The following GUCY1A2 variants were observed in gnomAD, a reference collection of about 807,000 sequenced individuals.
GUCY1A2 encodes the protein guanylate cyclase 1 soluble subunit alpha 2, also known as guanylate cyclase soluble subunit alpha-2.
In GUCY1A2, 27 loss-of-function variants were observed where a neutral mutation model predicts 63.5. That is an observed-to-expected ratio of 0.43 (90% confidence interval 0.31 to 0.59). The LOEUF is 0.59. GUCY1A2 is among the 20% of genes least tolerant of loss of function. GUCY1A2 has a pLI of 0.11. For synonymous variants in GUCY1A2, 364 were observed against 343.5 expected (o/e 1.06, Z -0.66); for missense variants, 768 against 913.3 (o/e 0.84, Z 2.05).
intron 6 of GUCY1A2, among the ~76,000 whole-genome samples, chr11:106,713,657 C>A (rs1158989233): frequency 1.3e-5 from 2 of 151,682 alleles, no homozygotes; most frequent in Non-Finnish European, 2.9e-5. Flanking sequence ...CAGGCGCCCG[C>A]CACCACGCCT....
chr11:106,813,847 T>G (rs34700949), intron 4 of GUCY1A2, among the ~76,000 whole-genome samples: 4,773 of 152,208 alleles, frequency 0.031, 115 homozygotes, highest in Non-Finnish European at 0.046. Context: ...CTATTGCCCA[T>G]GTACTGTGCT....
chr11:106,967,048 G>A (rs1212136806), intron 3 of GUCY1A2, among the ~76,000 whole-genome samples: 1 of 152,162 alleles, frequency 6.6e-6, no homozygotes, highest in Non-Finnish European at 1.5e-5. Flanking sequence ...AGAACCAGAA[G>A]ACAGAGAATG....
chr11:106,786,099 T>C (rs549682850), intron 5 of GUCY1A2, among the ~76,000 whole-genome samples: 8 of 152,324 alleles, frequency 5.3e-5, no homozygotes, highest in Middle Eastern at 3.4e-3. Flanking sequence ...TCTGGCACAG[T>C]AGGCATTCAA....
At chr11:106,992,474 C>T (rs575623152) in intron 1 of GUCY1A2, among the ~76,000 whole-genome samples, 1 of 151,826 alleles carries the variant, frequency 6.6e-6, no homozygotes, top group Non-Finnish European at 1.5e-5. Context: ...GGACTACAGG[C>T]ACCCGCCTCC....
At chr11:106,764,378 A>G (rs2135393796) in intron 6 of GUCY1A2, among the ~76,000 whole-genome samples, 1 of 152,220 alleles carries the variant, frequency 6.6e-6, no homozygotes, top group East Asian at 1.9e-4. Context: ...AATGGTTACG[A>G]GCATGGACTT....
At chr11:106,749,019 C>A (rs1480913928) in intron 6 of GUCY1A2, among the ~76,000 whole-genome samples, 1 of 152,032 alleles carries the variant, frequency 6.6e-6, no homozygotes, top group Non-Finnish European at 1.5e-5. Context: ...CAATGGCAAT[C>A]CCTTAAGATT....
intron 6 of GUCY1A2, among the ~76,000 whole-genome samples, chr11:106,739,389 A>ACCT (rs1264062612): frequency 6.6e-6 from 1 of 152,186 alleles, no homozygotes; most frequent in Non-Finnish European, 1.5e-5. Flanking sequence ...CAACCAAAAA[A>ACCT]GGATACATTT....
chr11:106,750,397 C>G (rs1466277096), intron 6 of GUCY1A2, among the ~76,000 whole-genome samples: 1 of 152,070 alleles, frequency 6.6e-6, no homozygotes, highest in Non-Finnish European at 1.5e-5. Context: ...AATACCCTCA[C>G]AAACACACCC....
chr11:107,001,662 C>A (rs1420038325), intron 1 of GUCY1A2, among the ~76,000 whole-genome samples: 1 of 151,058 alleles, frequency 6.6e-6, no homozygotes, highest in African/African-American at 2.4e-5. Flanking sequence ...TTGGTTCTTA[C>A]AACATTTGTG....
At chr11:106,914,674 A>C (rs1324235805) in intron 4 of GUCY1A2, among the ~76,000 whole-genome samples, 3 of 151,938 alleles carry the variant, frequency 2.0e-5, no homozygotes, top group African/African-American at 7.2e-5. Flanking sequence ...AAATCTGAGA[A>C]GAGAAATAAT....
intron 6 of GUCY1A2, among the ~76,000 whole-genome samples, chr11:106,720,035 A>C (rs993243492): frequency 5.9e-5 from 9 of 152,136 alleles, no homozygotes; most frequent in African/African-American, 2.2e-4. Context: ...TGAAGTTATC[A>C]AAAAAATATT....
chr11:106,761,201 T>TAATC (rs1864060179), intron 6 of GUCY1A2, among the ~76,000 whole-genome samples: 1 of 152,246 alleles, frequency 6.6e-6, no homozygotes, highest in Admixed American at 6.5e-5. Flanking sequence ...AACTTAAGTA[T>TAATC]AATCAAATAC....
At chr11:106,774,833 T>C (rs1864326819) in intron 6 of GUCY1A2, among the ~76,000 whole-genome samples, 1 of 152,218 alleles carries the variant, frequency 6.6e-6, no homozygotes, top group South Asian at 2.1e-4. Context: ...CTTTTAAACT[T>C]GTCCACTTTG....
intron 4 of GUCY1A2, among the ~76,000 whole-genome samples, chr11:106,862,793 A>G (rs1859531567): frequency 6.6e-6 from 1 of 152,102 alleles, no homozygotes; most frequent in Non-Finnish European, 1.5e-5. Flanking sequence ...CTGTTCTAAC[A>G]GATCCCTGGC....
Position 106,967,465 on chromosome 11 carries a change from T to A in GUCY1A2, c.487+11154A>T, listed in dbSNP as rs148083910. On this transcript the variant is annotated intron_variant, in intron 3 of 7. Coordinates refer to ENST00000526355, the MANE Select transcript of GUCY1A2 (RefSeq NM_000855.3). ...ATGACCCACTATTTCTGACATTAGT[T>A]TGAACAAAACCCTATTGCATGTCAT... Among the ~76,000 whole-genome samples the A allele has an allele frequency of 2.0e-5, 3 of 152,208 alleles. No individual in the cohort carries two copies. In the East Asian group the frequency reaches 5.8e-4, roughly 29 times the overall value.
intron 3 of GUCY1A2, among the ~76,000 whole-genome samples, chr11:106,952,553 G>T (rs764753258): frequency 8.5e-5 from 13 of 152,084 alleles, no homozygotes; most frequent in Non-Finnish European, 1.6e-4. Flanking sequence ...TATTATTGGT[G>T]TAAAGGAGTG....
At chr11:106,859,656 A>ACATC (rs1339469677) in intron 4 of GUCY1A2, among the ~76,000 whole-genome samples, 1 of 152,068 alleles carries the variant, frequency 6.6e-6, no homozygotes, top group Non-Finnish European at 1.5e-5. Flanking sequence ...GTGCAGTCAT[A>ACATC]CATCACCTAA....
intron 6 of GUCY1A2, among the ~76,000 whole-genome samples, chr11:106,719,729 G>A (rs1025967514): frequency 6.6e-6 from 1 of 152,172 alleles, no homozygotes; most frequent in Admixed American, 6.5e-5. Context: ...TTGATTACTG[G>A]AGAGTAAGAT....
intron 1 of GUCY1A2, among the ~76,000 whole-genome samples, chr11:106,987,996 G>C (rs1477339704): frequency 6.6e-6 from 1 of 152,182 alleles, no homozygotes; most frequent in Non-Finnish European, 1.5e-5. Context: ...GAGAGGTACA[G>C]AGCAACTTCT....
Sources: gnomAD v4.1 joint callset for allele counts (sites outside exome capture counted in the v4.1 genomes callset) on GRCh38, gnomAD v4.1.1 for gene constraint, MANE v1.5 for transcripts, NCBI Gene and HGNC (gene_info 2026-07-23, HGNC 2026-07-21) for gene names.